The following ACOX3 variants were observed in gnomAD, a reference collection of about 807,000 sequenced individuals.
ACOX3 encodes acyl-CoA oxidase 3, pristanoyl.
Under a neutral mutation model 81.5 loss-of-function variants are expected in ACOX3, and 73 were observed. The ratio of observed to expected loss-of-function variants is 0.90; its 90% CI spans 0.74 to 1.09. The LOEUF is 1.09. ACOX3 is among the 50% of genes least tolerant of loss of function. The pLI, the probability that ACOX3 is intolerant of heterozygous loss-of-function variation, is 0.00. For synonymous variants in ACOX3, 387 were observed against 375.1 expected (o/e 1.03, Z -0.37); for missense variants, 947 against 928.0 (o/e 1.02, Z -0.27).
chr4:8,431,351 C>T lies in ACOX3; in HGVS notation c.-15+9297G>A, dbSNP rs1056367639. ...CTCAGCTTTGACCGTGGCTTCACCTCGGGGCCACCTTCTGGCATTTGCCTG... is the reference window on the plus strand; with the variant it reads ...CTCAGCTTTGACCGTGGCTTCACCTTGGGGCCACCTTCTGGCATTTGCCTG... On this transcript the variant is annotated intron_variant, in intron 1 of 17. Coordinates refer to ENST00000356406, the MANE Select transcript of ACOX3 (RefSeq NM_003501.3). The surrounding 1 kb of genome is among the most constrained non-coding windows in gnomAD (Gnocchi z 5.3). 1.3e-5 allele frequency among the ~76,000 whole-genome samples: 2 copies of T among 152,192 alleles called. No individual in the cohort carries two copies. The highest frequency in any genetic ancestry group is 1.5e-5 in the Non-Finnish European group (1 of 68,034).
At chr4:8,376,197 A>G (rs1449944824) in intron 14 of ACOX3, among the ~76,000 whole-genome samples, 1 of 152,180 alleles carries the variant, frequency 6.6e-6, no homozygotes. Flanking sequence ...TTTTTAATGA[A>G]TATCAAAAAC....
chr4:8,439,613 A>C (rs1293322511), intron 1 of ACOX3, among the ~76,000 whole-genome samples: 1 of 152,254 alleles, frequency 6.6e-6, no homozygotes, highest in African/African-American at 2.4e-5. Flanking sequence ...CCCAGTAAAA[A>C]AACTAACCTG....
rs189914383 is a variant in ACOX3, at chr4:8,429,575, A to T, written c.-15+11073T>A. On this transcript the variant is annotated intron_variant, in intron 1 of 17. Transcript: ENST00000356406. ...GATGTGCTGGGAGTCAGCTTGCACA[A>T]GTTAAGTCCTTGAGGAAGGGGCTGC... Among the ~76,000 whole-genome samples the T allele has an allele frequency of 2.0e-3, 303 of 152,318 alleles. 2 individuals carry two copies. The highest frequency in any genetic ancestry group is 6.8e-3 in the African/African-American group (283 of 41,570).
Position 8,385,129 on chromosome 4 carries a change from T to C in ACOX3, c.1538-3522A>G, listed in dbSNP as rs912573029. 2.0e-5 allele frequency among the ~76,000 whole-genome samples: 3 copies of C among 151,998 alleles called. No homozygotes were observed. The highest frequency in any genetic ancestry group is 7.3e-5 in the African/African-American group (3 of 41,372). On this transcript the variant is annotated intron_variant, in intron 13 of 17. Coordinates refer to ENST00000356406, the MANE Select transcript of ACOX3 (RefSeq NM_003501.3). This position sits in a 1 kb window ranked among gnomAD's most constrained non-coding sequence, Gnocchi z 5.5. ...CAGAAGGAAAACAGGCTCAGAGAGA[T>C]TAAAGCCTAGCTCAAGGTCACAGCG...
At chr4:8,421,542 C>G (rs1015076447) in intron 1 of ACOX3, among the ~76,000 whole-genome samples, 3 of 152,244 alleles carry the variant, frequency 2.0e-5, no homozygotes, top group Non-Finnish European at 4.4e-5. Flanking sequence ...TGGGTCCTAA[C>G]CATGACTTTC....
chr4:8,382,163 G>A lies in ACOX3; in HGVS notation c.1538-556C>T, dbSNP rs890312322. ...GGGAACCTAAGGCCTCACCCCCTGC[G>A]TGGCCCCTTCCACAAAGCTCAAAAG... On this transcript the variant is annotated intron_variant, in intron 13 of 17. Coordinates refer to ENST00000356406, the MANE Select transcript of ACOX3 (RefSeq NM_003501.3). This position sits in a 1 kb window ranked among gnomAD's most constrained non-coding sequence, Gnocchi z 4.1. Among the ~76,000 whole-genome samples the A allele has an allele frequency of 2.6e-5, 4 of 152,148 alleles. No individual in the cohort carries two copies. The highest frequency in any genetic ancestry group is 9.7e-5 in the African/African-American group (4 of 41,434).
intron 1 of ACOX3, among the ~76,000 whole-genome samples, chr4:8,425,224 G>A (rs529834577): frequency 6.6e-6 from 1 of 152,210 alleles, no homozygotes; most frequent in Admixed American, 6.5e-5. Context: ...GAACCGCGAA[G>A]CAGATACTGA....
At chr4:8,373,384 C>A (rs745612554) in intron 16 of ACOX3, among the ~76,000 whole-genome samples, 177 bp downstream of exon 16, 2 of 149,120 alleles carry the variant, frequency 1.3e-5, no homozygotes, top group East Asian at 3.9e-4. Context: ...TAAGGGGGTG[C>A]GTGTCGGTCT....
intron 15 of ACOX3, chr4:8,374,128 G>C (rs1716622078): frequency 5.4e-6 from 1 of 183,780 alleles, no homozygotes; most frequent in African/African-American, 2.4e-5. Flanking sequence ...AGCCGCTGTG[G>C]TTTCTGGCAG....
In ACOX3 at chr4:8,385,010, GGCCCCCCACACGCAGCA is replaced by G. The variant is rs1337354727; in HGVS notation, c.1538-3420_1538-3404del. ...TTTCCAAGGAAGTGTTCAGGACTGTGGCCCCCCACACGCAGCAGCCCCCCACCGAGGGCACCATGGCC... is the reference window on the plus strand; with the variant it reads ...TTTCCAAGGAAGTGTTCAGGACTGTGGCCCCCCACCGAGGGCACCATGGCC... On this transcript the variant is annotated intron_variant, in intron 13 of 17. Transcript: ENST00000356406. This position sits in a 1 kb window ranked among gnomAD's most constrained non-coding sequence, Gnocchi z 5.5. Among the ~76,000 whole-genome samples the G allele has an allele frequency of 2.6e-5, 4 of 152,284 alleles. No individual in the cohort carries two copies. Among genetic ancestry groups the G allele is most frequent in the South Asian group, 4.1e-4 (2 of 4,826 alleles).
chr4:8,421,718 G>A (rs928065585), intron 1 of ACOX3, among the ~76,000 whole-genome samples: 2 of 152,086 alleles, frequency 1.3e-5, no homozygotes, highest in Non-Finnish European at 2.9e-5. Flanking sequence ...AAGCACCTAG[G>A]GTATGAACCC....
At position 8,386,168 on chromosome 4, in the gene ACOX3, T is replaced by C. The variant is rs1479132721; in HGVS notation, c.1537+3005A>G. On this transcript the variant is annotated intron_variant, in intron 13 of 17. Coordinates refer to ENST00000356406, the MANE Select transcript of ACOX3 (RefSeq NM_003501.3). The surrounding 1 kb of genome is among the most constrained non-coding windows in gnomAD (Gnocchi z 5.2). The stretch of plus-strand genomic sequence containing the variant: ...CCCATTTATGTTTTGATTTTATTAA[T>C]ATAAGGAGTGATGGTTTTAGGAAAA... Among the ~76,000 whole-genome samples the C allele has an allele frequency of 2.0e-5, 3 of 152,146 alleles. No individual in the cohort carries two copies. Among genetic ancestry groups the C allele is most frequent in the African/African-American group, 4.8e-5 (2 of 41,434 alleles).
At position 8,399,216 on chromosome 4, in the gene ACOX3, G is replaced by A. The variant is rs143517672; in HGVS notation, c.873+340C>T. Among the ~76,000 whole-genome samples, 4 of 152,228 alleles carry A rather than the reference G, an allele frequency of 2.6e-5. No individual in the cohort carries two copies. Among genetic ancestry groups the A allele is most frequent in the East Asian group, 1.9e-4 (1 of 5,174 alleles). ...TGGACACCGGGGAACTCTGTTTGTC[G>A]TCCCCCTTTGTGGACAGTTCGCCAG... On this transcript the variant is annotated intron_variant, in intron 8 of 17. Coordinates refer to ENST00000356406, the MANE Select transcript of ACOX3 (RefSeq NM_003501.3). This position sits in a 1 kb window ranked among gnomAD's most constrained non-coding sequence, Gnocchi z 4.9.
rs1178623641 is a variant in ACOX3, at chr4:8,384,797, T to C, written c.1538-3190A>G. On this transcript the variant is annotated intron_variant, in intron 13 of 17. Transcript: ENST00000356406. This position sits in a 1 kb window ranked among gnomAD's most constrained non-coding sequence, Gnocchi z 5.3. ...CAGGCAAGCCCTGGAAAGCAAGGCC[T>C]GGACAGCGGCCCCAACTCCTCAGCC... is the stretch of plus-strand genomic sequence containing the variant. 6.6e-6 allele frequency among the ~76,000 whole-genome samples: 1 copy of C among 152,188 alleles called. No individual in the cohort carries two copies. The highest frequency in any genetic ancestry group is 1.5e-5 in the Non-Finnish European group (1 of 68,012).
chr4:8,396,719 C>A (rs982908277), intron 9 of ACOX3, among the ~76,000 whole-genome samples: 7 of 149,336 alleles, frequency 4.7e-5, no homozygotes, highest in Non-Finnish European at 8.9e-5. Context: ...TTCTTTCCAT[C>A]TTCCTTTTTT....
chr4:8,384,297 T>C lies in ACOX3; in HGVS notation c.1538-2690A>G, dbSNP rs1560174305. Among the ~76,000 whole-genome samples the C allele has an allele frequency of 6.6e-6, 1 of 152,222 alleles. No individual in the cohort carries two copies. The highest frequency in any genetic ancestry group is 2.4e-5 in the African/African-American group (1 of 41,442). Reference sequence around the variant, plus strand: ...AAATCATGTCAGTCTGATGTGTTCATGTGCAGGGGAGAAGATCCCCAAAAA... The same window carrying C: ...AAATCATGTCAGTCTGATGTGTTCACGTGCAGGGGAGAAGATCCCCAAAAA... On this transcript the variant is annotated intron_variant, in intron 13 of 17. Coordinates refer to ENST00000356406, the MANE Select transcript of ACOX3 (RefSeq NM_003501.3). The surrounding 1 kb of genome is among the most constrained non-coding windows in gnomAD (Gnocchi z 5.3).
In ACOX3 at chr4:8,400,789, A is replaced by G. The variant is rs1188289384; in HGVS notation, c.777-1137T>C. 3.3e-5 allele frequency among the ~76,000 whole-genome samples: 5 copies of G among 152,148 alleles called. No homozygotes were observed. The highest frequency in any genetic ancestry group is 9.7e-5 in the African/African-American group (4 of 41,434). On this transcript the variant is annotated intron_variant, in intron 7 of 17. Transcript: ENST00000356406. This position sits in a 1 kb window ranked among gnomAD's most constrained non-coding sequence, Gnocchi z 4.4. Reference sequence around the variant, plus strand: ...GTCCGCAACCTTTTTGGCACCAGGGACCGGTTTTATGGAAGACAATTTTTC... The same window carrying G: ...GTCCGCAACCTTTTTGGCACCAGGGGCCGGTTTTATGGAAGACAATTTTTC...
chr4:8,403,776 G>A (rs957929906), intron 7 of ACOX3, among the ~76,000 whole-genome samples: 1 of 152,138 alleles, frequency 6.6e-6, no homozygotes, highest in African/African-American at 2.4e-5. Context: ...TATTAGGGGG[G>A]AACCAAGTGC....
intron 1 of ACOX3, among the ~76,000 whole-genome samples, chr4:8,424,496 G>C (rs1345709188): frequency 2.0e-5 from 3 of 152,232 alleles, no homozygotes; most frequent in Non-Finnish European, 4.4e-5. Flanking sequence ...TGGCCTCATT[G>C]TTTATGGGTA....
Sources: allele counts gnomAD v4.1 joint callset (sites outside exome capture counted in the v4.1 genomes callset), GRCh38; gene constraint gnomAD v4.1.1; non-coding constraint Gnocchi (gnomAD v3.1); transcripts MANE v1.5; gene names NCBI Gene and HGNC (gene_info 2026-07-23, HGNC 2026-07-21).